The following RIMS2 variants were observed in gnomAD, a reference collection of about 807,000 sequenced individuals.
The protein encoded by RIMS2 is regulating synaptic membrane exocytosis protein 2.
Under a neutral mutation model 174.4 loss-of-function variants are expected in RIMS2, and 59 were observed. That is an observed-to-expected ratio of 0.34 (90% CI 0.27 to 0.42). The LOEUF is 0.42. Among genes scored for constraint, RIMS2 ranks in the 10% least tolerant of loss-of-function variants. The pLI, the probability that RIMS2 is intolerant of heterozygous loss-of-function variation, is 1.00. For missense variants in RIMS2, 1,620 were observed against 1,666.3 expected (o/e 0.97, Z 0.48); for synonymous variants, 606 against 572.5 (o/e 1.06, Z -0.84).
At chr8:103,742,077 A>G (rs2097767435) in intron 2 of RIMS2, among the ~76,000 whole-genome samples, 1 of 152,066 alleles carries the variant, frequency 6.6e-6, no homozygotes, top group Admixed American at 6.6e-5. Flanking sequence ...CTGATACTCC[A>G]ATCAGGACTC....
intron 2 of RIMS2, among the ~76,000 whole-genome samples, chr8:103,698,606 G>T (rs1266129933): frequency 6.6e-6 from 1 of 151,928 alleles, no homozygotes; most frequent in Non-Finnish European, 1.5e-5. Flanking sequence ...TGTCATGATG[G>T]ATTATCTCTT....
At chr8:103,689,470 A>C (rs1366376860) in intron 1 of RIMS2, among the ~76,000 whole-genome samples, 1 of 152,120 alleles carries the variant, frequency 6.6e-6, no homozygotes, top group Non-Finnish European at 1.5e-5. Flanking sequence ...GTCTCCAGCT[A>C]TCATTGTATT....
At chr8:104,181,535 A>G (rs2098939633) in intron 19 of RIMS2, among the ~76,000 whole-genome samples, 1 of 151,636 alleles carries the variant, frequency 6.6e-6, no homozygotes, top group Non-Finnish European at 1.5e-5. Flanking sequence ...GAGTCCATTA[A>G]AAGAGCTATA....
At chr8:103,965,993 C>T (rs764178394) in intron 15 of RIMS2, among the ~76,000 whole-genome samples, 1 of 151,998 alleles carries the variant, frequency 6.6e-6, no homozygotes, top group Non-Finnish European at 1.5e-5. Context: ...CAAGATTAAT[C>T]CCACTTATTG....
intron 3 of RIMS2, among the ~76,000 whole-genome samples, chr8:103,824,919 AT>A (rs1464021779): frequency 1.3e-5 from 2 of 152,176 alleles, no homozygotes; most frequent in Admixed American, 1.3e-4. Context: ...GTAAGGATTT[AT>A]TTGTGCCTGA....
intron 1 of RIMS2, among the ~76,000 whole-genome samples, chr8:103,535,712 A>C (rs1052902679): frequency 6.6e-6 from 1 of 152,202 alleles, no homozygotes; most frequent in Non-Finnish European, 1.5e-5. Flanking sequence ...CAGGTAGCTA[A>C]ATGTGACAAG....
chr8:103,655,383 C>T (rs780011365), intron 1 of RIMS2, among the ~76,000 whole-genome samples: 1 of 151,786 alleles, frequency 6.6e-6, no homozygotes, highest in Non-Finnish European at 1.5e-5. Context: ...GATGGAAATA[C>T]TAGGAAAAAT....
intron 3 of RIMS2, among the ~76,000 whole-genome samples, chr8:103,836,524 C>G (rs994712943): frequency 6.6e-6 from 1 of 152,168 alleles, no homozygotes; most frequent in African/African-American, 2.4e-5. Flanking sequence ...CATGTTTGCA[C>G]CACTGCACTT....
intron 20 of RIMS2, 55 bp downstream of exon 26, chr8:104,245,112 T>C: frequency 6.4e-7 from 1 of 1,558,086 alleles, no homozygotes. Context: ...TATCTCACTC[T>C]ATGTGCTTTC....
intron 19 of RIMS2, among the ~76,000 whole-genome samples, chr8:104,156,144 A>G (rs963024214): frequency 6.6e-6 from 1 of 152,212 alleles, no homozygotes; most frequent in Non-Finnish European, 1.5e-5. Flanking sequence ...AACTTAATAC[A>G]AAAGTTCATT....
chr8:103,752,464 G>A (rs1176564872), intron 2 of RIMS2, among the ~76,000 whole-genome samples: 3 of 152,134 alleles, frequency 2.0e-5, no homozygotes, highest in East Asian at 3.8e-4. Flanking sequence ...GAACTTTAAA[G>A]TAGTTTTTTC....
intron 2 of RIMS2, among the ~76,000 whole-genome samples, chr8:103,722,539 C>G (rs2388782): frequency 2.0e-5 from 3 of 151,734 alleles, no homozygotes; most frequent in Non-Finnish European, 1.5e-5. Flanking sequence ...ATTTGTGTTC[C>G]TGTGAGAATC....
rs1012479373 is a variant in RIMS2 at position 103,756,986 on chromosome 8, T to C, written c.388-9241T>C. Among the ~76,000 whole-genome samples the C allele has an allele frequency of 2.3e-3, 255 of 108,790 alleles. 2 individuals are homozygous for C. Among genetic ancestry groups the C allele is most frequent in the African/African-American group, 8.8e-3 (233 of 26,532 alleles). 71.4% of individuals were successfully genotyped at this position (108,790 alleles called of 152,430 possible). On this transcript the variant is annotated intron_variant, in intron 2 of 23. Coordinates refer to ENST00000504942, the Ensembl canonical transcript of RIMS2. ...TCGTATGTGTGTGTGTGTCTGTGTG[T>C]GTGTGTGTGTGTGTGTGTGTGTGTG...
chr8:103,829,382 A>G (rs2098811861), intron 3 of RIMS2, among the ~76,000 whole-genome samples: 1 of 152,200 alleles, frequency 6.6e-6, no homozygotes, highest in South Asian at 2.1e-4. Context: ...CCAAAGGAAT[A>G]TAATTGTTCT....
chr8:104,106,640 A>G (rs918619871), intron 19 of RIMS2, among the ~76,000 whole-genome samples: 81 of 152,346 alleles, frequency 5.3e-4, no homozygotes, highest in African/African-American at 1.7e-3. Context: ...AAGTAGAGAA[A>G]TCATGAAATT....
At chr8:104,082,281 A>G (rs1440692201) in intron 19 of RIMS2, among the ~76,000 whole-genome samples, 1 of 152,170 alleles carries the variant, frequency 6.6e-6, no homozygotes, top group Non-Finnish European at 1.5e-5. Context: ...AGGCTAGCAT[A>G]TCCTTTCAAT....
intron 1 of RIMS2, among the ~76,000 whole-genome samples, chr8:103,541,622 A>G: frequency 6.6e-6 from 1 of 152,242 alleles, no homozygotes; most frequent in East Asian, 1.9e-4. Flanking sequence ...TATAAAACTC[A>G]CTGGTAAAAG....
chr8:104,004,843 A>T (rs2095517151), intron 17 of RIMS2, among the ~76,000 whole-genome samples: 4 of 152,010 alleles, frequency 2.6e-5, no homozygotes, highest in Admixed American at 2.6e-4. Context: ...TAGATGGGAG[A>T]AGTGAAGCTG....
Position 103,737,270 on chromosome 8 carries a change from G to A in RIMS2, c.388-28957G>A, listed in dbSNP as rs772162749. 5.6e-5 allele frequency among the ~76,000 whole-genome samples: 7 copies of A among 125,804 alleles called. No homozygotes were observed. In the Admixed American group the frequency reaches 5.9e-4, roughly 11 times the overall value. The allele number at this position is 125,804 out of a possible 152,430, so 82.5% of individuals were successfully genotyped here. ...ATGATCTCAGCTCACTGCATCCTCC[G>A]CCTCCCAGGTTCAAGTGATTCTCCT... On this transcript the variant is annotated intron_variant, in intron 2 of 23. Coordinates refer to ENST00000504942, the Ensembl canonical transcript of RIMS2.
Sources: allele counts gnomAD v4.1 joint callset (sites outside exome capture counted in the v4.1 genomes callset), GRCh38; gene constraint gnomAD v4.1.1; transcripts MANE v1.5; gene names NCBI Gene and HGNC (gene_info 2026-07-23, HGNC 2026-07-21).